The following HSD17B12 variants were observed in gnomAD, a reference collection of about 807,000 sequenced individuals.
HSD17B12 encodes the protein hydroxysteroid 17-beta dehydrogenase 12.
Under a neutral mutation model 39.3 loss-of-function variants are expected in HSD17B12, and 32 were observed. The observed-to-expected ratio is 0.81, with a 90% confidence interval of 0.61 to 1.09. The LOEUF (loss-of-function observed/expected upper bound fraction) is 1.09. HSD17B12 is among the 50% of genes least tolerant of loss of function. The pLI is 0.00. For missense variants in HSD17B12, 342 were observed against 382.9 expected (o/e 0.89, Z 0.89); for synonymous variants, 150 against 146.7 (o/e 1.02, Z -0.16).
intron 1 of HSD17B12, among the ~76,000 whole-genome samples, chr11:43,706,314 T>C (rs945464677): frequency 6.6e-6 from 1 of 152,126 alleles, no homozygotes; most frequent in Non-Finnish European, 1.5e-5. Flanking sequence ...GAGGCCGAGG[T>C]GGGCAGATCA....
At chr11:43,848,140 G>A (rs1297746772) in intron 9 of HSD17B12, among the ~76,000 whole-genome samples, 1 of 152,158 alleles carries the variant, frequency 6.6e-6, no homozygotes, top group Non-Finnish European at 1.5e-5. Context: ...TGCATATGGA[G>A]TCTAAATAGG....
chr11:43,558,682 G>A, the HSD17B12 span, among the ~76,000 whole-genome samples: 1 of 152,204 alleles, frequency 6.6e-6, no homozygotes, highest in Admixed American at 6.5e-5. Context: ...TGGGCTGGTA[G>A]TTGAGAAGAC....
the HSD17B12 span, among the ~76,000 whole-genome samples, chr11:43,664,451 C>G: frequency 3.3e-5 from 5 of 152,294 alleles, no homozygotes; most frequent in African/African-American, 1.2e-4. Context: ...TTCCTCAGTT[C>G]CCTCTTATCT....
chr11:43,639,410 G>GT, the HSD17B12 span, among the ~76,000 whole-genome samples: 2 of 152,108 alleles, frequency 1.3e-5, no homozygotes, highest in African/African-American at 4.8e-5. Context: ...TCCCACTTCA[G>GT]TATCTGCTTG....
rs751412335 is a variant in HSD17B12, at chr11:43,681,835, T to C, written c.160+848T>C. Among the ~76,000 whole-genome samples the C allele has an allele frequency of 8.2e-3, 668 of 81,798 alleles. 5 individuals are homozygous for C. Among genetic ancestry groups the C allele is most frequent in the African/African-American group, 0.021 (548 of 26,644 alleles). The allele number at this position is 81,798 out of a possible 152,430, so 53.7% of individuals were successfully genotyped here. On this transcript the variant is annotated intron_variant, in intron 1 of 10. Coordinates refer to ENST00000278353, the MANE Select transcript of HSD17B12 (RefSeq NM_016142.3). ...CAGGGAAGTTTTGCTCCCCCCCCCCTTTTTTTTTTCTTTTTCAACCTATTT... is the reference window on the plus strand; with the variant it reads ...CAGGGAAGTTTTGCTCCCCCCCCCCCTTTTTTTTTCTTTTTCAACCTATTT...
At chr11:43,661,015 C>T in the HSD17B12 span, among the ~76,000 whole-genome samples, 9 of 152,252 alleles carry the variant, frequency 5.9e-5, no homozygotes, top group South Asian at 6.2e-4. Context: ...ATCCTGGCTA[C>T]CCCAGAGGCT....
chr11:43,629,971 A>C, the HSD17B12 span, among the ~76,000 whole-genome samples: 38 of 152,362 alleles, frequency 2.5e-4, 1 homozygote, highest in Admixed American at 1.7e-3. Context: ...AATCAGTAGA[A>C]ACATTACTGT....
intron 3 of HSD17B12, among the ~76,000 whole-genome samples, chr11:43,758,376 AG>A (rs1277109676): frequency 6.6e-6 from 1 of 152,158 alleles, no homozygotes; most frequent in Non-Finnish European, 1.5e-5. Flanking sequence ...TCCACTGGAA[AG>A]GGAGGTTCAG....
chr11:43,619,170 TATATATATATAAA>T, the HSD17B12 span, among the ~76,000 whole-genome samples: 1 of 79,202 alleles, frequency 1.3e-5, no homozygotes, highest in South Asian at 4.1e-4. Context: ...ATATGATATA[TATATATATATAAA>T]ATATATATAT....
chr11:43,733,799 T>C (rs549050085), intron 1 of HSD17B12: 6 of 713,760 alleles, frequency 8.4e-6, no homozygotes, highest in South Asian at 8.2e-5. Flanking sequence ...AAGTTTGGCC[T>C]GGTCTTAGCC....
At position 43,798,363 on chromosome 11, in the gene HSD17B12, T is replaced by G. The variant is rs773145424; in HGVS notation, c.327T>G (p.Phe109Leu). The G allele has an allele frequency of 1.8e-5, 29 of 1,612,476 alleles. 1 individual carries two copies. In the Admixed American group the frequency reaches 3.5e-4, roughly 19 times the overall value. The change falls in exon 4 of 11, where the codon TTT (phenylalanine) becomes TTG (leucine). Residue 109 changes from phenylalanine to leucine, a missense_variant. Physicochemically the swap from Phe to Leu is conservative, Grantham distance 22. Coordinates refer to ENST00000278353, the MANE Select transcript of HSD17B12 (RefSeq NM_016142.3). ...AGACAAGAACCATTGCTGTTGACTT[T>G]GCATCAGAAGATATTTATGATAAAA... ...KVETRTIAVD[F>L]ASEDIYDKIK... is the part of the protein sequence containing the mutation.
chr11:43,664,578 C>T, the HSD17B12 span, among the ~76,000 whole-genome samples: 1 of 152,208 alleles, frequency 6.6e-6, no homozygotes, highest in African/African-American at 2.4e-5. Context: ...AAACATCACT[C>T]TAACTTCCAT....
At chr11:43,593,482 T>C in the HSD17B12 span, among the ~76,000 whole-genome samples, 1 of 152,196 alleles carries the variant, frequency 6.6e-6, no homozygotes, top group Non-Finnish European at 1.5e-5. Flanking sequence ...TAAATCAAAA[T>C]ATCTTTAAAT....
chr11:43,643,170 T>C, the HSD17B12 span, among the ~76,000 whole-genome samples: 1 of 152,120 alleles, frequency 6.6e-6, no homozygotes, highest in Non-Finnish European at 1.5e-5. Context: ...GTTGCCTTAG[T>C]GTATGCATCA....
chr11:43,745,592 A>G (rs1296029067), intron 1 of HSD17B12, among the ~76,000 whole-genome samples: 3 of 152,224 alleles, frequency 2.0e-5, no homozygotes, highest in East Asian at 1.9e-4. Context: ...CCTAGGTTAT[A>G]TGGTATGGCC....
At chr11:43,754,161 T>C (rs761868418) in intron 3 of HSD17B12, 40 bp downstream of exon 3, 2 of 1,352,272 alleles carry the variant, frequency 1.5e-6, no homozygotes, top group African/African-American at 2.9e-5. Context: ...CATAGCTAAT[T>C]AATGTTTTCA....
intron 1 of HSD17B12, among the ~76,000 whole-genome samples, chr11:43,740,423 A>G (rs1009732081): frequency 1.3e-5 from 2 of 152,200 alleles, no homozygotes; most frequent in African/African-American, 4.8e-5. Flanking sequence ...AGTTGCTTTA[A>G]TAAGACAAGT....
At chr11:43,782,631 C>T (rs965658887) in intron 3 of HSD17B12, among the ~76,000 whole-genome samples, 5 of 149,644 alleles carry the variant, frequency 3.3e-5, no homozygotes, top group African/African-American at 9.8e-5. Context: ...GCCAAGATTG[C>T]GCCACTGCAC....
intron 1 of HSD17B12, among the ~76,000 whole-genome samples, chr11:43,685,741 G>A (rs917734398): frequency 4.6e-5 from 7 of 152,222 alleles, no homozygotes; most frequent in African/African-American, 9.6e-5. Context: ...CTACAGACTG[G>A]ATGAGTACTC....
Sources: gnomAD v4.1 joint callset for allele counts (sites outside exome capture counted in the v4.1 genomes callset) on GRCh38, gnomAD v4.1.1 for gene constraint, MANE v1.5 for transcripts, NCBI Gene and HGNC (gene_info 2026-07-23, HGNC 2026-07-21) for gene names.